Variants in NOL4L observed in about 807,000 individuals in gnomAD.
NOL4L encodes nucleolar protein 4-like.
A neutral mutation model predicts 64.5 loss-of-function variants in NOL4L; 7 were observed. That is an observed-to-expected ratio of 0.11 (90% CI 0.06 to 0.20). NOL4L has a LOEUF of 0.20. Ranked by LOEUF, NOL4L falls within the 10% of genes least tolerant of loss-of-function variation. The pLI, the probability that NOL4L is intolerant of heterozygous loss-of-function variation, is 1.00. For synonymous variants in NOL4L, 413 were observed against 401.0 expected, an observed-to-expected ratio of 1.03 and a Z score of -0.36; for missense variants, 680 against 967.1, an observed-to-expected ratio of 0.70 and a Z score of 3.94.
intron 4 of NOL4L, among the ~76,000 whole-genome samples, chr20:32,496,223 G>A (rs982863624): frequency 6.6e-6 from 1 of 152,152 alleles, no homozygotes; most frequent in Non-Finnish European, 1.5e-5. Flanking sequence ...GCTGTCTCCT[G>A]TGCCTGGAAA....
chr20:32,453,771 G>T lies in NOL4L; in HGVS notation c.1120-10C>A. 1 of 1,551,930 alleles carries T rather than the reference G, an allele frequency of 6.4e-7. No homozygotes were observed. The highest frequency in any genetic ancestry group is 1.2e-5 in the South Asian group (1 of 84,090). On this transcript the variant is annotated splice_polypyrimidine_tract_variant and intron_variant, in intron 6 of 10. Coordinates refer to ENST00000621426, the MANE Select transcript of NOL4L (RefSeq NM_001256798.2). The surrounding 1 kb of genome is among the most constrained non-coding windows in gnomAD (Gnocchi z 5.6). The stretch of plus-strand genomic sequence containing the variant: ...AGCTGTAGGGGGGGGACTAAAAGGA[G>T]GGCAAGAGGCAGAGGGTTGGGCCAA...
At chr20:32,461,407 TCTAC>T (rs1232614938) in intron 5 of NOL4L, among the ~76,000 whole-genome samples, 127 of 137,424 alleles carry the variant, frequency 9.2e-4, no homozygotes, top group African/African-American at 3.3e-3. Flanking sequence ...CACTGACCCC[TCTAC>T]CTTTCTTTTC....
chr20:32,508,264 C>A (rs1015853062), intron 4 of NOL4L, among the ~76,000 whole-genome samples: 2 of 152,180 alleles, frequency 1.3e-5, no homozygotes, highest in African/African-American at 4.8e-5. Context: ...CCCACCCTGG[C>A]CTGCCTTTGC....
chr20:32,454,967 G>GTCACT (rs1424787916), intron 6 of NOL4L, among the ~76,000 whole-genome samples: 7 of 152,230 alleles, frequency 4.6e-5, no homozygotes, highest in Admixed American at 4.6e-4. Context: ...GTGCCCTAGG[G>GTCACT]TCACTGGCCT....
intron 1 of NOL4L, among the ~76,000 whole-genome samples, chr20:32,555,015 CCT>C (rs1337677093): frequency 6.6e-6 from 1 of 152,134 alleles, no homozygotes; most frequent in Non-Finnish European, 1.5e-5. Flanking sequence ...TGGGATGTGG[CCT>C]CCTTGGCCTC....
intron 3 of NOL4L, among the ~76,000 whole-genome samples, 163 bp downstream of exon 3, chr20:32,520,648 A>T (rs1315785473): frequency 6.6e-6 from 1 of 152,254 alleles, no homozygotes. Flanking sequence ...TAAACGAAAC[A>T]AAACAAGGCG....
intron 1 of NOL4L, chr20:32,536,247 G>T (rs969010932): frequency 1.0e-6 from 1 of 985,454 alleles, no homozygotes; most frequent in Non-Finnish European, 1.2e-6. Context: ...CGAAGGGGGG[G>T]TCCTAGGCGG....
intron 3 of NOL4L, among the ~76,000 whole-genome samples, chr20:32,518,661 G>T (rs376738722): frequency 1.3e-5 from 2 of 152,212 alleles, no homozygotes; most frequent in Non-Finnish European, 2.9e-5. Context: ...GTCTGACTCC[G>T]CCAGTTGCTA....
At chr20:32,462,043 G>C (rs982772535) in intron 5 of NOL4L, among the ~76,000 whole-genome samples, 3 of 152,090 alleles carry the variant, frequency 2.0e-5, no homozygotes, top group African/African-American at 4.8e-5. Flanking sequence ...AATAGCGTGT[G>C]ACCAAGCTGG....
intron 4 of NOL4L, among the ~76,000 whole-genome samples, chr20:32,484,560 C>CCCCAGCG (rs2015965880): frequency 6.6e-6 from 1 of 152,116 alleles, no homozygotes. Context: ...TCTACGCGAC[C>CCCCAGCG]CCCAGCGCCC....
intron 1 of NOL4L, among the ~76,000 whole-genome samples, chr20:32,580,726 A>G (rs1980413380): frequency 6.6e-6 from 1 of 152,138 alleles, no homozygotes; most frequent in Admixed American, 6.5e-5. Context: ...CAACAAATGG[A>G]AACTTCCTCT....
rs2012331670 is a variant in NOL4L at position 32,446,395 on chromosome 20, CAT to C, written c.*1199_*1200del. 1 of 152,416 alleles carries C rather than the reference CAT, an allele frequency of 6.6e-6. No individual in the cohort carries two copies. Among genetic ancestry groups the C allele is most frequent in the South Asian group, 2.1e-4 (1 of 4,826 alleles). The allele number at this position is 152,416 out of a possible 1,614,324, so 9.4% of individuals were successfully genotyped here. A position where few individuals can be genotyped will look rare whatever the true frequency, so the allele number is the denominator to read the frequency against. On this transcript the variant is annotated 3_prime_UTR_variant, in exon 11 of 11. Transcript: ENST00000621426. ...CTTCCACTGATCCCTTTACTCCAAA[CAT>C]GGCGCAAGGGGATGGGAGCTGCAGC...
In NOL4L at chr20:32,511,404, G is replaced by A. The variant is rs1190876723; in HGVS notation, c.642C>T (p.Pro214=). 2 of 1,550,388 alleles carry A rather than the reference G, an allele frequency of 1.3e-6. No individual in the cohort carries two copies. Among genetic ancestry groups the A allele is most frequent in the African/African-American group, 1.4e-5 (1 of 73,030 alleles). The change falls in exon 4 of 11, where the codon CCC becomes CCT. Residue 214 remains proline (P), a synonymous_variant. Transcript: ENST00000621426. The part of the protein sequence containing the change: ...LVSGIIDYNM[P]LTSTYLKQMK... ...TCTGCTTCAGGTAGGTGGAGGTGAG[G>A]GGCATGTTGTAATCAATAATCCCAG...
At chr20:32,511,920 C>T (rs776998592) in intron 3 of NOL4L, among the ~76,000 whole-genome samples, 4 of 152,066 alleles carry the variant, frequency 2.6e-5, no homozygotes, top group African/African-American at 4.8e-5. Context: ...GTGGGAGGAT[C>T]GCTTGAGGCC....
intron 4 of NOL4L, among the ~76,000 whole-genome samples, chr20:32,495,498 C>T (rs1275641913): frequency 6.6e-6 from 1 of 152,188 alleles, no homozygotes; most frequent in Non-Finnish European, 1.5e-5. Context: ...GGGCTCCGTG[C>T]CCAGCATTGC....
intron 2 of NOL4L, among the ~76,000 whole-genome samples, chr20:32,521,894 A>G (rs2145574864): frequency 6.6e-6 from 1 of 152,358 alleles, no homozygotes; most frequent in East Asian, 1.9e-4. Flanking sequence ...ACTAAGGGGC[A>G]GCATCACCCA....
In NOL4L at chr20:32,444,717, T is replaced by C. The variant is rs2012257659; in HGVS notation, c.*2879A>G. The stretch of plus-strand genomic sequence containing the variant: ...CAAAGACTCTGGAATTGGAGTATCC[T>C]ACTCTTGCATTTCCTTTTTAACTTA... On this transcript the variant is annotated 3_prime_UTR_variant, in exon 11 of 11. Transcript: ENST00000621426. 6.6e-6 allele frequency: 1 copy of C among 152,240 alleles called. No individual in the cohort carries two copies. 9.4% of individuals were successfully genotyped at this position (152,240 alleles called of 1,614,324 possible). A position where few individuals can be genotyped will look rare whatever the true frequency, so the allele number is the denominator to read the frequency against.
intron 1 of NOL4L, among the ~76,000 whole-genome samples, chr20:32,568,491 T>TG (rs1979570452): frequency 6.6e-6 from 1 of 152,004 alleles, no homozygotes; most frequent in African/African-American, 2.4e-5. Context: ...CTCCAGTCTC[T>TG]GCTCTGCACA....
intron 4 of NOL4L, among the ~76,000 whole-genome samples, chr20:32,476,435 G>A (rs6087917): frequency 1.4e-4 from 21 of 152,228 alleles, no homozygotes; most frequent in South Asian, 2.1e-4. Flanking sequence ...CCGGGAACCA[G>A]GAACGGGGCA....
Sources: allele counts gnomAD v4.1 joint callset (sites outside exome capture counted in the v4.1 genomes callset), GRCh38; gene constraint gnomAD v4.1.1; non-coding constraint Gnocchi (gnomAD v3.1); transcripts MANE v1.5; gene names NCBI Gene and HGNC (gene_info 2026-07-23, HGNC 2026-07-21).